Variants in ROBO2 observed in about 807,000 individuals in gnomAD.
ROBO2 encodes roundabout guidance receptor 2.
A neutral mutation model predicts 160.8 loss-of-function variants in ROBO2; 53 were observed. The observed-to-expected ratio is 0.33, with a 90% CI of 0.26 to 0.41. The LOEUF (loss-of-function observed/expected upper bound fraction) is 0.41. Ranked by LOEUF, ROBO2 falls within the 10% of genes least tolerant of loss-of-function variation. ROBO2 has a pLI of 1.00. For missense variants in ROBO2, 1,577 were observed against 1,722.4 expected (o/e 0.92, Z 1.49); for synonymous variants, 664 against 611.7 (o/e 1.09, Z -1.26).
intron 2 of ROBO2, among the ~76,000 whole-genome samples, chr3:77,401,182 C>T (rs1265298336): frequency 6.6e-6 from 1 of 151,772 alleles, no homozygotes; most frequent in Admixed American, 6.6e-5. Context: ...ATTGAAAAAT[C>T]CTGCTCTGGG....
chr3:77,360,252 A>AC (rs34393190), intron 2 of ROBO2, among the ~76,000 whole-genome samples: 48,556 of 143,434 alleles, frequency 0.34, 8,507 homozygotes, highest in East Asian at 0.74. Flanking sequence ...ATGTAATGCA[A>AC]CCCCCCCCCC....
intron 1 of ROBO2, among the ~76,000 whole-genome samples, chr3:77,045,595 C>G (rs1216719459): frequency 1.3e-5 from 2 of 152,204 alleles, no homozygotes; most frequent in East Asian, 3.9e-4. Flanking sequence ...CCATTCCCAT[C>G]ACAGTAAATG....
chr3:77,378,890 C>G (rs1174214249), intron 2 of ROBO2, among the ~76,000 whole-genome samples: 1 of 151,978 alleles, frequency 6.6e-6, no homozygotes, highest in Admixed American at 6.6e-5. Flanking sequence ...CTTTCCCCAA[C>G]CCGGCATGCG....
chr3:77,434,143 A>C (rs566059815), intron 2 of ROBO2, among the ~76,000 whole-genome samples: 9 of 152,172 alleles, frequency 5.9e-5, no homozygotes, highest in African/African-American at 1.9e-4. Flanking sequence ...TTATCTCTTC[A>C]CAGCTCTCTT....
chr3:77,559,911 CCTGT>C (rs1020169042), intron 9 of ROBO2, among the ~76,000 whole-genome samples: 64 of 152,080 alleles, frequency 4.2e-4, no homozygotes, highest in African/African-American at 1.4e-3. Context: ...ATATTTTGAG[CCTGT>C]CTTTTTATTG....
intron 2 of ROBO2, among the ~76,000 whole-genome samples, chr3:76,614,526 C>T (rs1418546855): frequency 6.6e-6 from 1 of 151,870 alleles, no homozygotes; most frequent in Non-Finnish European, 1.5e-5. Context: ...TTTTTATGAA[C>T]TACAGGCACA....
intron 2 of ROBO2, among the ~76,000 whole-genome samples, chr3:76,913,182 T>A (rs2148942904): frequency 6.6e-6 from 1 of 152,264 alleles, no homozygotes; most frequent in African/African-American, 2.4e-5. Context: ...TGACCCTCTT[T>A]CAAAATGTGC....
At chr3:76,463,825 C>T (rs1288034386) in intron 2 of ROBO2, among the ~76,000 whole-genome samples, 1 of 152,144 alleles carries the variant, frequency 6.6e-6, no homozygotes. Flanking sequence ...GTTGCAATTT[C>T]GAGCTCAACA....
chr3:77,067,811 C>G (rs988892846), intron 1 of ROBO2, among the ~76,000 whole-genome samples: 6 of 152,066 alleles, frequency 3.9e-5, no homozygotes, highest in South Asian at 2.1e-4. Flanking sequence ...GGAATGCGCC[C>G]TATATGTACT....
chr3:76,983,052 G>A (rs568852006), intron 2 of ROBO2, among the ~76,000 whole-genome samples: 6 of 152,234 alleles, frequency 3.9e-5, no homozygotes, highest in Middle Eastern at 3.4e-3. Context: ...TTGGGAGGCC[G>A]AGGCGGGCAG....
At chr3:77,555,713 T>C (rs1158546249) in intron 8 of ROBO2, among the ~76,000 whole-genome samples, 2 of 152,090 alleles carry the variant, frequency 1.3e-5, no homozygotes, top group Non-Finnish European at 2.9e-5. Flanking sequence ...TGTCACATCA[T>C]GATCTTATAT....
intron 2 of ROBO2, among the ~76,000 whole-genome samples, chr3:76,031,478 A>G (rs12152326): frequency 6.6e-6 from 1 of 152,194 alleles, no homozygotes; most frequent in Admixed American, 6.5e-5. Flanking sequence ...TTGCCCAGTC[A>G]GTAAGATATT....
chr3:76,262,750 G>A (rs1019514314), intron 2 of ROBO2, among the ~76,000 whole-genome samples: 1 of 151,990 alleles, frequency 6.6e-6, no homozygotes, highest in Admixed American at 6.6e-5. Context: ...GATGTTTCCA[G>A]GGGTCATAAA....
intron 2 of ROBO2, among the ~76,000 whole-genome samples, chr3:76,800,108 C>T (rs1042379396): frequency 6.6e-6 from 1 of 152,080 alleles, no homozygotes; most frequent in African/African-American, 2.4e-5. Context: ...GTGTCAAGAA[C>T]ATACATTGGA....
chr3:77,069,135 T>A (rs1427086921), intron 1 of ROBO2, among the ~76,000 whole-genome samples: 1 of 151,922 alleles, frequency 6.6e-6, no homozygotes, highest in Non-Finnish European at 1.5e-5. Flanking sequence ...TAAGAGAGAG[T>A]GTGCTGATCT....
intron 2 of ROBO2, among the ~76,000 whole-genome samples, chr3:76,409,920 C>T (rs1036823087): frequency 6.6e-6 from 1 of 152,090 alleles, no homozygotes; most frequent in Non-Finnish European, 1.5e-5. Flanking sequence ...AAGTGCTGCT[C>T]CCCCAAACAT....
chr3:77,292,470 A>G (rs1192950742), intron 2 of ROBO2, among the ~76,000 whole-genome samples: 1 of 151,950 alleles, frequency 6.6e-6, no homozygotes, highest in East Asian at 1.9e-4. Flanking sequence ...TGATGCTTAA[A>G]CGGGTAAACT....
chr3:76,970,983 A>G (rs79925102), intron 2 of ROBO2, among the ~76,000 whole-genome samples: 6,274 of 152,276 alleles, frequency 0.041, 187 homozygotes, highest in East Asian at 0.14. Context: ...TTCGATTAAT[A>G]TTACATATTT....
At chr3:77,054,870 G>A (rs928585204) in intron 1 of ROBO2, among the ~76,000 whole-genome samples, 12 of 151,790 alleles carry the variant, frequency 7.9e-5, no homozygotes, top group African/African-American at 1.5e-4. Context: ...GCATCCTGCC[G>A]TAATGTCACT....
Sources: allele counts gnomAD v4.1 joint callset (sites outside exome capture counted in the v4.1 genomes callset), GRCh38; gene constraint gnomAD v4.1.1; transcripts MANE v1.5; gene names NCBI Gene and HGNC (gene_info 2026-07-23, HGNC 2026-07-21).